The following VWDE variants were observed in gnomAD, a reference collection of about 807,000 sequenced individuals.
The protein encoded by VWDE is von Willebrand factor D and EGF domain-containing protein.
VWDE carries 207 observed loss-of-function variants against 178.4 expected under a neutral mutation model. That is an observed-to-expected ratio of 1.16 (90% CI 1.04 to 1.30). VWDE has a LOEUF of 1.30. Among genes scored for constraint, VWDE ranks in the 50% most tolerant of loss-of-function variants. The probability of loss-of-function intolerance (pLI) is 0.00; values close to 1 mark genes in which losing one functional copy is unlikely to be tolerated. For synonymous variants in VWDE, 738 were observed against 651.4 expected (o/e 1.13, Z -2.02); for missense variants, 2,287 against 1,901.3 (o/e 1.20, Z -3.77).
intron 19 of VWDE, among the ~76,000 whole-genome samples, chr7:12,349,235 TAATA>T (rs372504783): frequency 0.02 from 2,652 of 129,994 alleles, 77 homozygotes; most frequent in African/African-American, 0.064. Context: ...ATAATCATAA[TAATA>T]AATAAATAAA....
intron 2 of VWDE, among the ~76,000 whole-genome samples, chr7:12,391,837 G>A (rs1217994225): frequency 6.6e-6 from 1 of 152,102 alleles, no homozygotes; most frequent in Non-Finnish European, 1.5e-5. Context: ...CTTTTGCTAA[G>A]ACATAATCTT....
At chr7:12,379,799 T>C (rs759992628) in intron 5 of VWDE, among the ~76,000 whole-genome samples, 7 of 152,090 alleles carry the variant, frequency 4.6e-5, no homozygotes, top group Admixed American at 6.5e-5. Context: ...AGGATGTTTT[T>C]AAAAAGTACT....
In VWDE at chr7:12,370,711, C is replaced by T. The variant is rs1481281294; in HGVS notation, c.1741G>A (p.Gly581Arg). ...TTAAAATTTTGATCAATTTGCATCC[C>T]ATTTTTGTCATGGAAATCATTTTCC... ...NPENDFHDKN[G>R]MQIDQNFNNY... The change falls in exon 11 of 29, where the codon GGG (glycine) becomes AGG (arginine). Residue 581 changes from glycine (G) to arginine (R), a missense_variant. Physicochemically the swap from Gly to Arg is moderately radical, Grantham distance 125. Coordinates refer to ENST00000275358, the MANE Select transcript of VWDE (RefSeq NM_001135924.3). The T allele has an allele frequency of 7.1e-6, 11 of 1,551,006 alleles. No homozygotes were observed. The highest frequency in any genetic ancestry group is 9.6e-6 in the Non-Finnish European group (11 of 1,146,684).
In VWDE at chr7:12,393,155, C is replaced by A. The variant is rs535624145; in HGVS notation, c.243+439G>T. 3.3e-5 allele frequency among the ~76,000 whole-genome samples: 5 copies of A among 152,272 alleles called. No homozygotes were observed. In the South Asian group the frequency reaches 1.0e-3, roughly 32 times the overall value. On this transcript the variant is annotated intron_variant, in intron 2 of 28. Coordinates refer to ENST00000275358, the MANE Select transcript of VWDE (RefSeq NM_001135924.3). Reference sequence around the variant, plus strand: ...TAAGAAATGAAGTGACAGGTAACAACTGACAAAAACAAGCACTTTAGACAC... The same window carrying A: ...TAAGAAATGAAGTGACAGGTAACAAATGACAAAAACAAGCACTTTAGACAC...
intron 3 of VWDE, among the ~76,000 whole-genome samples, chr7:12,385,272 T>C (rs2128559829): frequency 6.6e-6 from 1 of 152,248 alleles, no homozygotes; most frequent in South Asian, 2.1e-4. Flanking sequence ...GATTTTAAAA[T>C]TAAATATTAT....
chr7:12,355,175 G>A (rs1327235236), intron 18 of VWDE, among the ~76,000 whole-genome samples: 2 of 152,040 alleles, frequency 1.3e-5, no homozygotes, highest in Admixed American at 6.6e-5. Flanking sequence ...CCAGTACTTC[G>A]GGAGGCTGAG....
rs1026629486 is a variant in VWDE at position 12,370,416 on chromosome 7, T to C, written c.1890A>G (p.Ala630=). The change falls in exon 12 of 29, where the codon GCA becomes GCG. Residue 630 remains alanine, a synonymous_variant. Coordinates refer to ENST00000275358, the MANE Select transcript of VWDE (RefSeq NM_001135924.3). ...PSYCSCSLDT[A]AYPSSEDLDS... is the part of the protein sequence containing the mutation. ...CCAGATCTTCGGAAGACGGATACGC[T>C]GCAGTGTCCAATGAACAGCTACAAT... 1.3e-6 allele frequency: 2 copies of C among 1,547,132 alleles called. No individual in the cohort carries two copies. Among genetic ancestry groups the C allele is most frequent in the Admixed American group, 2.0e-5 (1 of 50,968 alleles).
At chr7:12,340,569 T>A (rs1280600078) in intron 23 of VWDE, among the ~76,000 whole-genome samples, 152 bp from the exon 24 acceptor site, 1 of 152,190 alleles carries the variant, frequency 6.6e-6, no homozygotes, top group African/African-American at 2.4e-5. Flanking sequence ...TTGCCAAACA[T>A]AAGAGGAATG....
chr7:12,399,748 G>A (rs1316543189), intron 1 of VWDE, among the ~76,000 whole-genome samples: 2 of 152,138 alleles, frequency 1.3e-5, no homozygotes, highest in Non-Finnish European at 2.9e-5. Flanking sequence ...TAGGGAGGTT[G>A]ACGTGGGAGA....
chr7:12,360,837 A>T (rs1290948116), intron 15 of VWDE, among the ~76,000 whole-genome samples: 1 of 152,186 alleles, frequency 6.6e-6, no homozygotes, highest in African/African-American at 2.4e-5. Flanking sequence ...GTAACGTAAG[A>T]TCTCTTATTG....
chr7:12,357,412 G>C lies in VWDE; in HGVS notation c.3378C>G (p.Asp1126Glu), dbSNP rs1259567759. ...QFVAFDPEGS[D>E]IHFTLDSGPE... is the part of the protein sequence containing the mutation. The stretch of plus-strand genomic sequence containing the variant: ...GACCAGAGTCCAACGTAAAATGGAT[G>C]TCAGAACCTTCTGGATCGAAGGCCA... Residue 1126 changes from aspartate (D) to glutamate (E), a missense_variant, in exon 17 of 29, where the codon GAC (aspartate) becomes GAG (glutamate). Transcript: ENST00000275358. 6.4e-7 allele frequency: 1 copy of C among 1,551,828 alleles called. No individual in the cohort carries two copies. The highest frequency in any genetic ancestry group is 8.7e-7 in the Non-Finnish European group (1 of 1,147,078).
chr7:12,340,348 C>T lies in VWDE; in HGVS notation c.4340G>A (p.Gly1447Glu), dbSNP rs1562462237. Residue 1447 changes from glycine to glutamate, a missense_variant, in exon 24 of 29, where the codon GGA becomes GAA. Physicochemically the swap from Gly to Glu is moderately conservative, Grantham distance 98 (BLOSUM62 -2). Transcript: ENST00000275358. ...ATTCTGACAGTGTTCCCCAAAGAATCCATTTGGACAGAGGCAAGTATTTGG... is the reference window on the plus strand; with the variant it reads ...ATTCTGACAGTGTTCCCCAAAGAATTCATTTGGACAGAGGCAAGTATTTGG... ...NKPNTCLCPN[G>E]FFGEHCQNAF... is the part of the protein sequence containing the mutation. 5.8e-6 allele frequency: 9 copies of T among 1,551,212 alleles called. No homozygotes were observed. Among genetic ancestry groups the T allele is most frequent in the Non-Finnish European group, 7.0e-6 (8 of 1,146,730 alleles).
At position 12,333,543 on chromosome 7, in the gene VWDE, A is replaced by G; in HGVS notation, c.4680T>C (p.Tyr1560=). 2 of 1,551,250 alleles carry G rather than the reference A, an allele frequency of 1.3e-6. No individual in the cohort carries two copies. The highest frequency in any genetic ancestry group is 1.7e-6 in the Non-Finnish European group (2 of 1,146,674). Residue 1560 remains tyrosine (Y), a synonymous_variant, in exon 28 of 29, where the codon TAT becomes TAC. Coordinates refer to ENST00000275358, the MANE Select transcript of VWDE (RefSeq NM_001135924.3). ...CATTGGGAAATATGCATCTGCCTCC[A>G]TAAAGACATTTTGGGTTGCAAATTG... ...QIPICNPKCL[Y]GGRCIFPNVC...
At position 12,375,163 on chromosome 7, in the gene VWDE, A is replaced by G; in HGVS notation, c.1089T>C (p.Ser363=). Reference sequence around the variant, plus strand: ...GGCTACAGGTTCCATTAGCACAGGAAGATGTCTGGAGAAGGTCCACATGAC... The same window carrying G: ...GGCTACAGGTTCCATTAGCACAGGAGGATGTCTGGAGAAGGTCCACATGAC... The part of the protein sequence containing the change: ...SSCHVDLLQT[S]SCANGTCSHT... Residue 363 remains serine, a synonymous_variant, in exon 8 of 29, where the codon TCT becomes TCC. Coordinates refer to ENST00000275358, the MANE Select transcript of VWDE (RefSeq NM_001135924.3). 6.4e-7 allele frequency: 1 copy of G among 1,551,214 alleles called. No individual in the cohort carries two copies. The highest frequency in any genetic ancestry group is 8.7e-7 in the Non-Finnish European group (1 of 1,146,620).
At chr7:12,363,192 G>T (rs969837663) in intron 13 of VWDE, among the ~76,000 whole-genome samples, 1 of 152,030 alleles carries the variant, frequency 6.6e-6, no homozygotes, top group Non-Finnish European at 1.5e-5. Context: ...CACAGTCAAA[G>T]AAGCCTTCAA....
chr7:12,397,333 T>C (rs1784678064), intron 1 of VWDE, among the ~76,000 whole-genome samples: 1 of 152,212 alleles, frequency 6.6e-6, no homozygotes, highest in African/African-American at 2.4e-5. Context: ...GACTCCCTAT[T>C]CAATAAATGG....
intron 3 of VWDE, among the ~76,000 whole-genome samples, chr7:12,384,126 G>A (rs1783984760): frequency 6.6e-6 from 1 of 152,066 alleles, no homozygotes; most frequent in South Asian, 2.1e-4. Context: ...TAGGTAAATG[G>A]ATATGCTGTT....
chr7:12,378,025 T>C (rs1012822039), intron 6 of VWDE, 105 bp from the exon 7 acceptor site: 2 of 836,402 alleles, frequency 2.4e-6, no homozygotes, highest in African/African-American at 1.8e-5. Flanking sequence ...TACTAAATAA[T>C]AACTTAAGCC....
intron 18 of VWDE, among the ~76,000 whole-genome samples, chr7:12,354,897 A>G (rs1008980797): frequency 6.6e-6 from 1 of 152,158 alleles, no homozygotes; most frequent in African/African-American, 2.4e-5. Flanking sequence ...AAAATTCATG[A>G]AAGTTGTTTG....
Sources: gnomAD v4.1 joint callset for allele counts (sites outside exome capture counted in the v4.1 genomes callset) on GRCh38, gnomAD v4.1.1 for gene constraint, MANE v1.5 for transcripts, NCBI Gene and HGNC (gene_info 2026-07-23, HGNC 2026-07-21) for gene names.